The following ARB2A variants were observed in gnomAD, a reference collection of about 807,000 sequenced individuals.
ARB2A encodes ARB2 cotranscriptional regulator A, also known as cotranscriptional regulator ARB2A.
the ARB2A span, among the ~76,000 whole-genome samples, chr5:93,817,581 A>C: frequency 6.6e-6 from 1 of 152,210 alleles, no homozygotes; most frequent in Non-Finnish European, 1.5e-5. Flanking sequence ...CTTACCACAA[A>C]GCTACAGTAA....
chr5:93,798,484 G>A, the ARB2A span, among the ~76,000 whole-genome samples: 1 of 151,882 alleles, frequency 6.6e-6, no homozygotes, highest in African/African-American at 2.4e-5. Flanking sequence ...TAAATACAGG[G>A]CAATTATATC....
the ARB2A span, chr5:93,742,900 C>G: frequency 2.0e-5 from 3 of 152,206 alleles, no homozygotes; most frequent in Admixed American, 6.5e-5. Context: ...ATCCACACTT[C>G]TAAACCTACC....
chr5:93,880,818 G>C, the ARB2A span, among the ~76,000 whole-genome samples: 3 of 151,566 alleles, frequency 2.0e-5, no homozygotes, highest in Admixed American at 1.3e-4. Flanking sequence ...AAGTGTAAAA[G>C]TTCGCTGGGT....
chr5:93,664,832 C>T, the ARB2A span, among the ~76,000 whole-genome samples: 1 of 151,900 alleles, frequency 6.6e-6, no homozygotes, highest in African/African-American at 2.4e-5. Flanking sequence ...TAATGCATTT[C>T]TTTTTTTCCT....
chr5:94,099,519 G>A, the ARB2A span, among the ~76,000 whole-genome samples: 1 of 148,820 alleles, frequency 6.7e-6, no homozygotes, highest in African/African-American at 2.5e-5. Flanking sequence ...AGCTACTCGG[G>A]ATGCTGAGGC....
the ARB2A span, among the ~76,000 whole-genome samples, chr5:93,937,419 G>A: frequency 6.6e-6 from 1 of 150,386 alleles, no homozygotes; most frequent in Non-Finnish European, 1.5e-5. Context: ...TGGCCAACAT[G>A]GTGAAACCCC....
the ARB2A span, among the ~76,000 whole-genome samples, chr5:93,758,994 C>G: frequency 3.3e-5 from 5 of 151,992 alleles, no homozygotes; most frequent in Admixed American, 6.6e-5. Flanking sequence ...AATTGACAGA[C>G]CATTGGCAAG....
chr5:93,664,026 G>A, the ARB2A span, among the ~76,000 whole-genome samples: 2 of 151,758 alleles, frequency 1.3e-5, no homozygotes, highest in Non-Finnish European at 2.9e-5. Flanking sequence ...TGATAATGTA[G>A]GCCTTATAAA....
chr5:93,714,839 A>T, the ARB2A span, among the ~76,000 whole-genome samples: 1 of 152,192 alleles, frequency 6.6e-6, no homozygotes, highest in Non-Finnish European at 1.5e-5. Context: ...TAGTCTTGAT[A>T]AGTACATTAT....
At chr5:93,652,415 T>A in the ARB2A span, among the ~76,000 whole-genome samples, 2 of 152,218 alleles carry the variant, frequency 1.3e-5, no homozygotes, top group African/African-American at 2.4e-5. Context: ...GTACTATTTC[T>A]CAGATTAAAA....
At chr5:93,821,287 A>G in the ARB2A span, among the ~76,000 whole-genome samples, 2 of 152,064 alleles carry the variant, frequency 1.3e-5, no homozygotes, top group Admixed American at 6.5e-5. Flanking sequence ...CTACAAACTA[A>G]GACTGTTCCC....
chr5:93,635,064 G>A, the ARB2A span, among the ~76,000 whole-genome samples: 12 of 152,232 alleles, frequency 7.9e-5, no homozygotes, highest in South Asian at 4.1e-4. Context: ...ATGAGCCACC[G>A]CACCTGGCCT....
chr5:93,832,750 C>T, the ARB2A span, among the ~76,000 whole-genome samples: 4 of 152,120 alleles, frequency 2.6e-5, no homozygotes, highest in Non-Finnish European at 5.9e-5. Context: ...AACTCCTGTC[C>T]AATTCTACTT....
the ARB2A span, among the ~76,000 whole-genome samples, chr5:93,636,721 T>G: frequency 6.6e-6 from 1 of 152,268 alleles, no homozygotes; most frequent in Admixed American, 6.5e-5. Context: ...CACTGAGTTT[T>G]CCAATTAACC....
At chr5:93,694,151 C>A in the ARB2A span, among the ~76,000 whole-genome samples, 1 of 152,178 alleles carries the variant, frequency 6.6e-6, no homozygotes, top group Non-Finnish European at 1.5e-5. Context: ...CCCTCTCTCA[C>A]AACTCCTATT....
the ARB2A span, among the ~76,000 whole-genome samples, chr5:93,928,980 C>T: frequency 3.3e-5 from 5 of 151,410 alleles, no homozygotes; most frequent in East Asian, 7.8e-4. Context: ...CAACTGGTAA[C>T]TGTTAAAGTC....
the ARB2A span, among the ~76,000 whole-genome samples, chr5:94,037,326 G>A: frequency 6.6e-6 from 1 of 152,112 alleles, no homozygotes; most frequent in Non-Finnish European, 1.5e-5. Flanking sequence ...AAAGGAGTCT[G>A]CTAACAAATT....
At chr5:94,093,258 A>T in the ARB2A span, among the ~76,000 whole-genome samples, 3 of 152,192 alleles carry the variant, frequency 2.0e-5, no homozygotes, top group Admixed American at 6.5e-5. Context: ...TAACAACAAC[A>T]AAAAAGACTA....
At chr5:94,008,368 T>C in the ARB2A span, among the ~76,000 whole-genome samples, 1 of 152,238 alleles carries the variant, frequency 6.6e-6, no homozygotes, top group African/African-American at 2.4e-5. Context: ...TTAATATGCA[T>C]ATCAATCATC....
Sources: allele counts gnomAD v4.1 joint callset (sites outside exome capture counted in the v4.1 genomes callset), GRCh38; gene constraint gnomAD v4.1.1; transcripts MANE v1.5; gene names NCBI Gene and HGNC (gene_info 2026-07-23, HGNC 2026-07-21).